The following TRIM26 variants were observed in gnomAD, a reference collection of about 807,000 sequenced individuals.
TRIM26 encodes the protein tripartite motif containing 26.
Under a neutral mutation model 45.5 loss-of-function variants are expected in TRIM26, and 16 were observed. The ratio of observed to expected loss-of-function variants is 0.35; its 90% CI spans 0.24 to 0.53. The LOEUF (loss-of-function observed/expected upper bound fraction) is 0.53. TRIM26 is among the 20% of genes least tolerant of loss of function. TRIM26 has a pLI of 0.92. For synonymous variants in TRIM26, 273 were observed against 290.4 expected (o/e 0.94, Z 0.61); for missense variants, 442 against 691.1 (o/e 0.64, Z 4.04).
chr6:30,198,348 C>T lies in TRIM26; in HGVS notation c.534+81G>A, dbSNP rs113823461. ...GTGAGCAGCGCCTAGAAACACCTCC[C>T]AGCTGCCGCCTACTTGCCCAGGCTC... On this transcript the variant is annotated intron_variant, in intron 5 of 9. Coordinates refer to ENST00000454678, the MANE Select transcript of TRIM26 (RefSeq NM_003449.5). This position sits in a 1 kb window ranked among gnomAD's most constrained non-coding sequence, Gnocchi z 6.3. 423 of 1,507,624 alleles carry T rather than the reference C, an allele frequency of 2.8e-4. No homozygotes were observed. In the African/African-American group the frequency reaches 3.7e-3, roughly 13 times the overall value. 93.4% of individuals were successfully genotyped at this position (1,507,624 alleles called of 1,614,324 possible). A position where few individuals can be genotyped will look rare whatever the true frequency, so the allele number is the denominator to read the frequency against.
At chr6:30,201,389 T>C (rs561442916) in intron 2 of TRIM26, among the ~76,000 whole-genome samples, 10 of 152,308 alleles carry the variant, frequency 6.6e-5, no homozygotes, top group African/African-American at 2.4e-4. Flanking sequence ...GTGCTGATAA[T>C]AAATTCCAAC....
rs1189818743 is a variant in TRIM26, at chr6:30,198,678, G to A, written c.426C>T (p.Ala142=). The change falls in exon 4 of 10, where the codon GCC becomes GCT. Residue 142 remains alanine (A), a synonymous_variant. Transcript: ENST00000454678. This position sits in a 1 kb window ranked among gnomAD's most constrained non-coding sequence, Gnocchi z 6.3. Reference sequence around the variant, plus strand: ...GAAGAGGGCTTACCCTGTGGGGCTGGGCGGCCTTCTCCATGAGGACGGCCG... The same window carrying A: ...GAAGAGGGCTTACCCTGTGGGGCTGAGCGGCCTTCTCCATGAGGACGGCCG... The part of the protein sequence containing the change: ...PHTAVLMEKA[A]QPHREKILNH... 1.2e-6 allele frequency: 2 copies of A among 1,604,604 alleles called. No individual in the cohort carries two copies. Among genetic ancestry groups the A allele is most frequent in the Non-Finnish European group, 1.7e-6 (2 of 1,178,520 alleles).
chr6:30,199,125 T>G lies in TRIM26; in HGVS notation c.-22A>C. The G allele has an allele frequency of 6.5e-7, 1 of 1,529,534 alleles. No individual in the cohort carries two copies. The allele number at this position is 1,529,534 out of a possible 1,614,324, so 94.7% of individuals were successfully genotyped here. On this transcript the variant is annotated 5_prime_UTR_variant, in exon 4 of 10. Coordinates refer to ENST00000454678, the MANE Select transcript of TRIM26 (RefSeq NM_003449.5). ...CCATGGTATCCTTAGTTCAGAGAGG[T>G]CTCCGTTCACTGGTGAGGACTTCTT...
In TRIM26 at chr6:30,189,499, T is replaced by C; in HGVS notation, c.823A>G (p.Ile275Val). Residue 275 changes from isoleucine (I) to valine (V), a missense_variant, in exon 8 of 10, where the codon ATT becomes GTT. Physicochemically the swap from Ile to Val is conservative, Grantham distance 29. Transcript: ENST00000454678. The surrounding 1 kb of genome is among the most constrained non-coding windows in gnomAD (Gnocchi z 5.0). ...PRKKFWVGKP[I>V]ARVVKKKTGE... Reference sequence around the variant, plus strand: ...GTCTTTTTTTTAACCACTCGAGCAATGGGTTTCCCAACCCAGAACTTCTTC... The same window carrying C: ...GTCTTTTTTTTAACCACTCGAGCAACGGGTTTCCCAACCCAGAACTTCTTC... The C allele has an allele frequency of 6.2e-7, 1 of 1,613,004 alleles. No homozygotes were observed. The highest frequency in any genetic ancestry group is 2.2e-5 in the East Asian group (1 of 44,868).
At chr6:30,199,372 G>C (rs943776067) in intron 3 of TRIM26, 108 bp from the exon 4 acceptor site, 7 of 412,536 alleles carry the variant, frequency 1.7e-5, no homozygotes, top group Non-Finnish European at 3.0e-5. Context: ...GCTTGGTAGA[G>C]TGAAGAGCAG....
At chr6:30,200,365 G>A (rs938947276) in intron 3 of TRIM26, among the ~76,000 whole-genome samples, 5 of 152,226 alleles carry the variant, frequency 3.3e-5, no homozygotes, top group Non-Finnish European at 5.9e-5. Flanking sequence ...AGAAGCATCA[G>A]GAAGCTTCAG....
In TRIM26 at chr6:30,207,641, G is replaced by C. The variant is rs560017590; in HGVS notation, c.-375-2876C>G. Among the ~76,000 whole-genome samples, 3 of 152,172 alleles carry C rather than the reference G, an allele frequency of 2.0e-5. No individual in the cohort carries two copies. Among genetic ancestry groups the C allele is most frequent in the Admixed American group, 6.5e-5 (1 of 15,288 alleles). On this transcript the variant is annotated intron_variant, in intron 1 of 9. Coordinates refer to ENST00000454678, the MANE Select transcript of TRIM26 (RefSeq NM_003449.5). This position sits in a 1 kb window ranked among gnomAD's most constrained non-coding sequence, Gnocchi z 4.9. Reference sequence around the variant, plus strand: ...TGTCCTTCCTTTCTTCTGTGAGGAGGCTGTCCCAGGAGATCCTAGCTGGAT... The same window carrying C: ...TGTCCTTCCTTTCTTCTGTGAGGAGCCTGTCCCAGGAGATCCTAGCTGGAT...
At chr6:30,193,134 A>G (rs28400891) in intron 6 of TRIM26, among the ~76,000 whole-genome samples, 1 of 54,700 alleles carries the variant, frequency 1.8e-5, no homozygotes, top group Admixed American at 2.7e-4. Flanking sequence ...ATATATACAT[A>G]TATGTGTGTG....
chr6:30,207,195 A>T lies in TRIM26; in HGVS notation c.-375-2430T>A, dbSNP rs1003972522. Among the ~76,000 whole-genome samples, 1 of 152,218 alleles carries T rather than the reference A, an allele frequency of 6.6e-6. No homozygotes were observed. The highest frequency in any genetic ancestry group is 1.5e-5 in the Non-Finnish European group (1 of 68,032). The stretch of plus-strand genomic sequence containing the variant: ...ATTATGCAAGACTGTGACCCAGGTT[A>T]AGAATTTTGGACTTTATCCTAACAG... On this transcript the variant is annotated intron_variant, in intron 1 of 9. Transcript: ENST00000454678. This position sits in a 1 kb window ranked among gnomAD's most constrained non-coding sequence, Gnocchi z 4.9.
At chr6:30,193,079 TATATATAC>T (rs1343735961) in intron 6 of TRIM26, among the ~76,000 whole-genome samples, 104 of 136,936 alleles carry the variant, frequency 7.6e-4, no homozygotes, top group African/African-American at 1.6e-3. Flanking sequence ...TATATATATG[TATATATAC>T]ATATATATGT....
In TRIM26 at chr6:30,186,512, C is replaced by T; in HGVS notation, c.984G>A (p.Leu328=). ...DPQSASGYLQ[L]SEDWKCVTYT... The stretch of plus-strand genomic sequence containing the variant: ...AGGTCACGCACTTCCAGTCCTCTGA[C>T]AGCTGCAGGTACCCACTGGCCGACT... Residue 328 remains leucine (L), a synonymous_variant, in exon 10 of 10, where the codon CTG becomes CTA. Coordinates refer to ENST00000454678, the MANE Select transcript of TRIM26 (RefSeq NM_003449.5). The surrounding 1 kb of genome is among the most constrained non-coding windows in gnomAD (Gnocchi z 7.4). 6.5e-7 allele frequency: 1 copy of T among 1,531,118 alleles called. No homozygotes were observed. The allele number at this position is 1,531,118 out of a possible 1,614,324, so 94.8% of individuals were successfully genotyped here.
chr6:30,203,567 C>T (rs953044857), intron 2 of TRIM26, among the ~76,000 whole-genome samples: 1 of 152,024 alleles, frequency 6.6e-6, no homozygotes, highest in Non-Finnish European at 1.5e-5. Context: ...AGGTGCCCAC[C>T]ACCACATCCG....
Position 30,189,115 on chromosome 6 carries a change from C to G in TRIM26, c.937+52G>C. On this transcript the variant is annotated intron_variant, in intron 9 of 9. Transcript: ENST00000454678. The surrounding 1 kb of genome is among the most constrained non-coding windows in gnomAD (Gnocchi z 5.0). ...AGTGAGCAGTCAGAATCTCTGCAGG[C>G]GGAGTTTTCTATATTTGATGTACAT... is the stretch of plus-strand genomic sequence containing the variant. 6.3e-7 allele frequency: 1 copy of G among 1,581,116 alleles called. No homozygotes were observed. Among genetic ancestry groups the G allele is most frequent in the South Asian group, 1.1e-5 (1 of 87,080 alleles).
chr6:30,208,906 G>C (rs28410468), intron 1 of TRIM26, among the ~76,000 whole-genome samples: 8,904 of 30,854 alleles, frequency 0.29, 396 homozygotes, highest in African/African-American at 0.44. Flanking sequence ...TATAGAATAT[G>C]TGTGTGTGTG....
At chr6:30,187,182 T>C (rs922733386) in intron 9 of TRIM26, 5 of 281,180 alleles carry the variant, frequency 1.8e-5, no homozygotes, top group Non-Finnish European at 3.6e-5. Context: ...ATCTGTTTCA[T>C]GTCTCTGCCA....
intron 1 of TRIM26, among the ~76,000 whole-genome samples, chr6:30,208,581 A>G (rs117529037): frequency 0.011 from 1,575 of 144,254 alleles, 56 homozygotes; most frequent in Admixed American, 0.071. Context: ...AGGCTCATCC[A>G]TGTGATTATG....
At position 30,212,012 on chromosome 6, in the gene TRIM26, A is replaced by G. The variant is rs906090691; in HGVS notation, c.-376+1293T>C. 3.9e-5 allele frequency among the ~76,000 whole-genome samples: 6 copies of G among 152,212 alleles called. 1 individual carries two copies. The highest frequency in any genetic ancestry group is 2.1e-4 in the South Asian group (1 of 4,832). Reference sequence around the variant, plus strand: ...GGACAATACACGCAAAGAGTGGAAAAGAGACTAACTGTACAGTGGAGAAAC... The same window carrying G: ...GGACAATACACGCAAAGAGTGGAAAGGAGACTAACTGTACAGTGGAGAAAC... On this transcript the variant is annotated intron_variant, in intron 1 of 9. Coordinates refer to ENST00000454678, the MANE Select transcript of TRIM26 (RefSeq NM_003449.5).
At position 30,207,988 on chromosome 6, in the gene TRIM26, A is replaced by C. The variant is rs1473378869; in HGVS notation, c.-375-3223T>G. Among the ~76,000 whole-genome samples, 1 of 152,162 alleles carries C rather than the reference A, an allele frequency of 6.6e-6. No individual in the cohort carries two copies. Among genetic ancestry groups the C allele is most frequent in the Non-Finnish European group, 1.5e-5 (1 of 68,026 alleles). ...GCACCCTGTACTTCTCTGCAGTTTT[A>C]AGTCCTGACTTATTAGTGTAATTAC... On this transcript the variant is annotated intron_variant, in intron 1 of 9. Coordinates refer to ENST00000454678, the MANE Select transcript of TRIM26 (RefSeq NM_003449.5). The surrounding 1 kb of genome is among the most constrained non-coding windows in gnomAD (Gnocchi z 4.9).
At position 30,186,233 on chromosome 6, in the gene TRIM26, A is replaced by G; in HGVS notation, c.1263T>C (p.Asp421=). 1 of 1,598,318 alleles carries G rather than the reference A, an allele frequency of 6.3e-7. No homozygotes were observed. Among genetic ancestry groups the G allele is most frequent in the Non-Finnish European group, 8.5e-7 (1 of 1,172,324 alleles). Residue 421 remains aspartate (D), a synonymous_variant, in exon 10 of 10, where the codon GAT becomes GAC. Coordinates refer to ENST00000454678, the MANE Select transcript of TRIM26 (RefSeq NM_003449.5). This position sits in a 1 kb window ranked among gnomAD's most constrained non-coding sequence, Gnocchi z 7.4. ...ETDEDEESLG[D]EEEEEEEEEE... is the part of the protein sequence containing the mutation. ...CTTCCTCCTCCTCTTCTTCCTCTTC[A>G]TCGCCCAACGATTCCTCATCTTCGT...
Sources: gnomAD v4.1 joint callset for allele counts (sites outside exome capture counted in the v4.1 genomes callset) on GRCh38, gnomAD v4.1.1 for gene constraint, Gnocchi (gnomAD v3.1) non-coding constraint, MANE v1.5 for transcripts, NCBI Gene and HGNC (gene_info 2026-07-23, HGNC 2026-07-21) for gene names.